Variants in PTPN13 observed in about 807,000 individuals in gnomAD.
PTPN13 encodes protein tyrosine phosphatase non-receptor type 13.
Under a neutral mutation model 284.0 loss-of-function variants are expected in PTPN13, and 191 were observed. The ratio of observed to expected loss-of-function variants is 0.67; its 90% CI spans 0.60 to 0.76. The LOEUF is 0.76. Ranked by LOEUF, PTPN13 falls within the 30% of genes least tolerant of loss-of-function variation. PTPN13 has a pLI of 0.00. For synonymous variants in PTPN13, 986 were observed against 1,022.3 expected (o/e 0.96, Z 0.68); for missense variants, 2,797 against 2,939.9 (o/e 0.95, Z 1.12).
chr4:86,722,343 G>A lies in PTPN13; in HGVS notation c.1517G>A (p.Gly506Glu). ...CAGTCTCGGTTGAGCCTATATCCAG[G>A]AGACACAATCAAAGCGTCCATGCTT... The part of the protein sequence containing the change: ...LRQSRLSLYP[G>E]DTIKASMLDI... Residue 506 changes from glycine to glutamate, a missense_variant, in exon 10 of 48, where the codon GGA becomes GAA. Transcript: ENST00000411767. The A allele has an allele frequency of 6.2e-7, 1 of 1,613,730 alleles. No individual in the cohort carries two copies. The highest frequency in any genetic ancestry group is 1.6e-4 in the Middle Eastern group (1 of 6,062).
Position 86,750,745 on chromosome 4 carries a change from G to A in PTPN13, c.2926G>A (p.Ala976Thr). ...TAAATCATACCATGATCTCAGTCAG[G>A]CCTCTCTCTATCCACATCGGAAAAA... ...MSKSYHDLSQ[A>T]SLYPHRKNVI... Residue 976 changes from alanine to threonine, a missense_variant, in exon 18 of 48, where the codon GCC becomes ACC. Ala to Thr is a moderately conservative substitution (Grantham distance 58). Coordinates refer to ENST00000411767, the MANE Select transcript of PTPN13 (RefSeq NM_080683.3). 1.9e-6 allele frequency: 3 copies of A among 1,613,578 alleles called. No homozygotes were observed. Among genetic ancestry groups the A allele is most frequent in the Non-Finnish European group, 2.5e-6 (3 of 1,179,696 alleles).
intron 40 of PTPN13, among the ~76,000 whole-genome samples, chr4:86,786,959 G>C (rs1741990162): frequency 1.3e-5 from 2 of 151,734 alleles, no homozygotes; most frequent in African/African-American, 4.8e-5. Flanking sequence ...TAAAAAATTA[G>C]CCAGATGTGG....
intron 10 of PTPN13, among the ~76,000 whole-genome samples, chr4:86,727,535 G>C (rs1470825267): frequency 6.7e-6 from 1 of 149,348 alleles, no homozygotes; most frequent in Admixed American, 6.7e-5. Context: ...TCATGGTTTA[G>C]TCTTGGGAGG....
intron 1 of PTPN13, among the ~76,000 whole-genome samples, chr4:86,606,701 C>A (rs1764779213): frequency 6.6e-6 from 1 of 151,824 alleles, no homozygotes. Context: ...TTTACCCACT[C>A]AAGACTAGAT....
intron 6 of PTPN13, among the ~76,000 whole-genome samples, chr4:86,695,962 G>T (rs1730550551): frequency 6.6e-6 from 1 of 151,906 alleles, no homozygotes; most frequent in Admixed American, 6.5e-5. Flanking sequence ...TCTGTAGAAA[G>T]AAAAAGGTGA....
chr4:86,755,510 G>T (rs970534584), intron 20 of PTPN13, among the ~76,000 whole-genome samples: 8 of 152,000 alleles, frequency 5.3e-5, no homozygotes, highest in Non-Finnish European at 1.0e-4. Flanking sequence ...AGCTAAGTTT[G>T]TCATGTTGCT....
chr4:86,615,912 A>T (rs969624607), intron 1 of PTPN13, among the ~76,000 whole-genome samples: 3 of 152,214 alleles, frequency 2.0e-5, no homozygotes, highest in Non-Finnish European at 4.4e-5. Context: ...AAAACTTAGG[A>T]TTTAAAGAAC....
At position 86,689,052 on chromosome 4, in the gene PTPN13, T is replaced by C; in HGVS notation, c.408T>C (p.Cys136=). Reference sequence around the variant, plus strand: ...TCAACAGCATACTGCTTGGAATGTGTGAGGATGTTATTTACGCTCGAGTTT... The same window carrying C: ...TCAACAGCATACTGCTTGGAATGTGCGAGGATGTTATTTACGCTCGAGTTT... ...DHLNSILLGM[C]EDVIYARVSV... is the part of the protein sequence containing the mutation. Residue 136 remains cysteine, a synonymous_variant, in exon 5 of 48, where the codon TGT becomes TGC. Coordinates refer to ENST00000411767, the MANE Select transcript of PTPN13 (RefSeq NM_080683.3). 3 of 1,585,924 alleles carry C rather than the reference T, an allele frequency of 1.9e-6. No individual in the cohort carries two copies. Among genetic ancestry groups the C allele is most frequent in the Non-Finnish European group, 2.6e-6 (3 of 1,154,376 alleles).
Position 86,599,166 on chromosome 4 carries a change from A to C in PTPN13, c.-6+4377A>C, listed in dbSNP as rs557666300. Among the ~76,000 whole-genome samples, 22 of 152,336 alleles carry C rather than the reference A, an allele frequency of 1.4e-4. No homozygotes were observed. The South Asian group carries it at 4.1e-3, about 29-fold the overall frequency. Reference sequence around the variant, plus strand: ...TCTGTATTTTTAGAAACTCCTTAAGAAACCATAGTCAACTTTGGAACCAAT... The same window carrying C: ...TCTGTATTTTTAGAAACTCCTTAAGCAACCATAGTCAACTTTGGAACCAAT... On this transcript the variant is annotated intron_variant, in intron 1 of 47. Coordinates refer to ENST00000411767, the MANE Select transcript of PTPN13 (RefSeq NM_080683.3).
At chr4:86,801,877 TTA>T (rs1334019020) in intron 42 of PTPN13, among the ~76,000 whole-genome samples, 1 of 152,134 alleles carries the variant, frequency 6.6e-6, no homozygotes, top group East Asian at 1.9e-4. Flanking sequence ...TAAAAAGAAT[TTA>T]TATGTTTTAC....
At chr4:86,747,518 TA>T (rs1578563170) in intron 17 of PTPN13, among the ~76,000 whole-genome samples, 1 of 152,008 alleles carries the variant, frequency 6.6e-6, no homozygotes, top group Non-Finnish European at 1.5e-5. Context: ...CTATACTATG[TA>T]ATAGCGGTAA....
chr4:86,739,666 G>A (rs1462497363), intron 15 of PTPN13, among the ~76,000 whole-genome samples: 1 of 152,092 alleles, frequency 6.6e-6, no homozygotes, highest in Non-Finnish European at 1.5e-5. Context: ...AACCAATCAT[G>A]CCTTCCCAAC....
chr4:86,618,805 T>A (rs999189182), intron 1 of PTPN13, among the ~76,000 whole-genome samples: 35 of 152,240 alleles, frequency 2.3e-4, no homozygotes, highest in Admixed American at 2.3e-3. Context: ...TGAAGTTGCT[T>A]ATCAGCTTAA....
At chr4:86,705,955 C>A (rs1257582867) in intron 7 of PTPN13, among the ~76,000 whole-genome samples, 1 of 152,038 alleles carries the variant, frequency 6.6e-6, no homozygotes, top group Admixed American at 6.6e-5. Flanking sequence ...AAACAGTTTT[C>A]TCCTCCAACC....
In PTPN13 at chr4:86,717,065, G is replaced by C; in HGVS notation, c.1333G>C (p.Gly445Arg). ...CTCAAAGAGGTTTGAATCCAGCAGTGGTCTCCCAGGGGTAGATGAAACCTT... is the reference window on the plus strand; with the variant it reads ...CTCAAAGAGGTTTGAATCCAGCAGTCGTCTCCCAGGGGTAGATGAAACCTT... ...EASKRFESSS[G>R]LPGVDETLSQ... The change falls in exon 9 of 48, where the codon GGT (glycine) becomes CGT (arginine). Residue 445 changes from glycine (G) to arginine (R), a missense_variant. Transcript: ENST00000411767. 1 of 1,613,196 alleles carries C rather than the reference G, an allele frequency of 6.2e-7. No homozygotes were observed. The highest frequency in any genetic ancestry group is 1.1e-5 in the South Asian group (1 of 90,966).
chr4:86,641,619 T>C (rs1314920343), intron 2 of PTPN13, among the ~76,000 whole-genome samples: 1 of 152,190 alleles, frequency 6.6e-6, no homozygotes, highest in East Asian at 1.9e-4. Context: ...TGAACTTCTC[T>C]TCAGAGGAGG....
intron 3 of PTPN13, among the ~76,000 whole-genome samples, chr4:86,673,776 C>T (rs1341776776): frequency 1.3e-5 from 2 of 152,114 alleles, no homozygotes; most frequent in African/African-American, 4.8e-5. Flanking sequence ...AGCATAATCT[C>T]GGCTTACTGC....
In PTPN13 at chr4:86,814,910, A is replaced by C. The variant is rs1745623722; in HGVS notation, c.*359A>C. ...ATGTTTTCCAATATTTTAATAAAGT[A>C]GTTATTTTATAGGGGATACTTGAAA... On this transcript the variant is annotated 3_prime_UTR_variant, in exon 48 of 48. Coordinates refer to ENST00000411767, the MANE Select transcript of PTPN13 (RefSeq NM_080683.3). The C allele has an allele frequency of 6.0e-6, 1 of 166,346 alleles. No individual in the cohort carries two copies. Among genetic ancestry groups the C allele is most frequent in the African/African-American group, 2.4e-5 (1 of 41,972 alleles). The allele number at this position is 166,346 out of a possible 1,614,324, so 10.3% of individuals were successfully genotyped here.
chr4:86,734,998 G>T, intron 14 of PTPN13, 123 bp downstream of exon 14: 1 of 1,138,922 alleles, frequency 8.8e-7, no homozygotes, highest in Non-Finnish European at 1.2e-6. Context: ...GGCTTCTTTG[G>T]TTCCTCAGAA....
Sources: allele counts gnomAD v4.1 joint callset (sites outside exome capture counted in the v4.1 genomes callset), GRCh38; gene constraint gnomAD v4.1.1; transcripts MANE v1.5; gene names NCBI Gene and HGNC (gene_info 2026-07-23, HGNC 2026-07-21).